VAC14: variants seen among roughly 807,000 people sequenced by gnomAD.
The protein encoded by VAC14 is protein VAC14 homolog.
A neutral mutation model predicts 85.3 loss-of-function variants in VAC14; 47 were observed. The ratio of observed to expected loss-of-function variants is 0.55; its 90% CI spans 0.44 to 0.70. VAC14 has a LOEUF of 0.70. VAC14 is among the 30% of genes least tolerant of loss of function. The probability of loss-of-function intolerance (pLI) is 0.00; values close to 1 mark genes in which losing one functional copy is unlikely to be tolerated. For missense variants in VAC14, 861 were observed against 1,004.3 expected, an observed-to-expected ratio of 0.86 and a Z score of 1.93; for synonymous variants, 447 against 430.5, an observed-to-expected ratio of 1.04 and a Z score of -0.47.
At chr16:70,692,751 T>TC in intron 18 of VAC14, 70 bp downstream of exon 18, 1 of 1,543,966 alleles carries the variant, frequency 6.5e-7, no homozygotes, top group African/African-American at 1.4e-5. Context: ...GCAAGGCCCT[T>TC]CCTCACCAGG....
intron 10 of VAC14, chr16:70,766,327 T>TG (rs1201476950): frequency 2.7e-6 from 1 of 374,272 alleles, no homozygotes; most frequent in Non-Finnish European, 5.4e-6. Flanking sequence ...GGCCAGCCTG[T>TG]GGGGCCTCTC....
chr16:70,737,655 C>T (rs529813857), intron 13 of VAC14, among the ~76,000 whole-genome samples: 20 of 152,238 alleles, frequency 1.3e-4, no homozygotes, highest in African/African-American at 3.1e-4. Context: ...GCGGGGTGGG[C>T]GGCCGGGGAG....
chr16:70,745,482 A>AGTGTGTGTGTGT (rs145054065), intron 12 of VAC14, among the ~76,000 whole-genome samples: 411 of 143,856 alleles, frequency 2.9e-3, no homozygotes, highest in Admixed American at 4.3e-3. Context: ...GAGGGGCTTC[A>AGTGTGTGTGTGT]GTGTGTGTGT....
At chr16:70,782,671 G>A (rs149844079) in intron 7 of VAC14, among the ~76,000 whole-genome samples, 23 of 152,368 alleles carry the variant, frequency 1.5e-4, no homozygotes, top group East Asian at 3.9e-4. Flanking sequence ...AGGGAATGAC[G>A]TTTTGTGGTG....
At chr16:70,692,745 G>C in intron 18 of VAC14, 76 bp downstream of exon 18, 1 of 1,536,916 alleles carries the variant, frequency 6.5e-7, no homozygotes. Flanking sequence ...CCCCTGGCAA[G>C]GCCCTTCCTC....
chr16:70,720,034 A>G (rs544221873), intron 14 of VAC14, among the ~76,000 whole-genome samples: 1 of 152,344 alleles, frequency 6.6e-6, no homozygotes, highest in African/African-American at 2.4e-5. Flanking sequence ...GACATCCAAC[A>G]CAGACGAATC....
chr16:70,784,654 A>G (rs72792880), intron 4 of VAC14, 122 bp downstream of exon 4: 23,413 of 955,146 alleles, frequency 0.025, 386 homozygotes, highest in Non-Finnish European at 0.031. Context: ...CAGGGAGTAC[A>G]TGTAAATTTA....
intron 14 of VAC14, among the ~76,000 whole-genome samples, chr16:70,729,057 G>A (rs1231571030): frequency 1.3e-5 from 2 of 152,156 alleles, no homozygotes; most frequent in East Asian, 1.9e-4. Context: ...TCTCTGACAC[G>A]GTGGTTCTCA....
chr16:70,799,527 G>GCAGTTGAA (rs1567618634), intron 1 of VAC14, among the ~76,000 whole-genome samples: 1 of 152,144 alleles, frequency 6.6e-6, no homozygotes, highest in African/African-American at 2.4e-5. Flanking sequence ...GTTGTCAACC[G>GCAGTTGAA]GGGCAATTTT....
chr16:70,768,510 G>A (rs1487346185), intron 10 of VAC14: 1 of 280,026 alleles, frequency 3.6e-6, no homozygotes, highest in African/African-American at 2.3e-5. Flanking sequence ...TATTTCCCAT[G>A]CTCTGGAGGG....
intron 12 of VAC14, among the ~76,000 whole-genome samples, chr16:70,744,860 C>T (rs1323089030): frequency 6.6e-6 from 1 of 152,244 alleles, no homozygotes; most frequent in Non-Finnish European, 1.5e-5. Flanking sequence ...CGATCCCTCT[C>T]TCGGGTCCCT....
intron 14 of VAC14, among the ~76,000 whole-genome samples, chr16:70,706,670 T>G (rs1384056644): frequency 6.6e-6 from 1 of 152,196 alleles, no homozygotes; most frequent in Non-Finnish European, 1.5e-5. Context: ...ACTAGGCACA[T>G]TTTTCTATTT....
intron 14 of VAC14, among the ~76,000 whole-genome samples, chr16:70,705,966 T>C (rs2053912783): frequency 1.3e-5 from 2 of 152,184 alleles, no homozygotes; most frequent in South Asian, 4.1e-4. Flanking sequence ...TGGATACAGA[T>C]ACAGGAAGGT....
chr16:70,762,110 T>TG lies in VAC14; in HGVS notation c.1371+429_1371+430insC, dbSNP rs10653790. Among the ~76,000 whole-genome samples the TG allele has an allele frequency of 6.6e-6, 1 of 150,396 alleles. No homozygotes were observed. The highest frequency in any genetic ancestry group is 2.5e-5 in the African/African-American group (1 of 40,030). On this transcript the variant is annotated intron_variant, in intron 12 of 18. Transcript: ENST00000261776. This position sits in a 1 kb window ranked among gnomAD's most constrained non-coding sequence, Gnocchi z 4.1. ...TCACTCCTAAAGTGAGTTTTTTTTTTTGTTTTTGTTTTTTTGAGACAGGGT... is the reference window on the plus strand; with the variant it reads ...TCACTCCTAAAGTGAGTTTTTTTTTTGTGTTTTTGTTTTTTTGAGACAGGGT...
At chr16:70,758,631 ACTCAGGCAGCATG>A (rs1271495095) in intron 12 of VAC14, among the ~76,000 whole-genome samples, 1 of 152,156 alleles carries the variant, frequency 6.6e-6, no homozygotes, top group Non-Finnish European at 1.5e-5. Context: ...GGCAGAACTC[ACTCAGGCAGCATG>A]GCGGCTGCCC....
At chr16:70,715,575 G>A (rs2054147735) in intron 14 of VAC14, 1 of 152,440 alleles carries the variant, frequency 6.6e-6, no homozygotes, top group Non-Finnish European at 1.5e-5. Flanking sequence ...AGGGGGCCGA[G>A]CTCTTGCTCC....
At chr16:70,748,886 G>A (rs1364170507) in intron 12 of VAC14, among the ~76,000 whole-genome samples, 1 of 152,194 alleles carries the variant, frequency 6.6e-6, no homozygotes, top group East Asian at 1.9e-4. Context: ...GTAGTGAGCT[G>A]AGATCGCACT....
intron 9 of VAC14, among the ~76,000 whole-genome samples, chr16:70,777,116 T>C (rs2033560129): frequency 6.6e-6 from 1 of 152,090 alleles, no homozygotes; most frequent in Non-Finnish European, 1.5e-5. Context: ...CCCTAATTTT[T>C]GTATTTTTAG....
chr16:70,751,887 G>C (rs1184836097), intron 12 of VAC14, among the ~76,000 whole-genome samples: 1 of 152,224 alleles, frequency 6.6e-6, no homozygotes, highest in Non-Finnish European at 1.5e-5. Flanking sequence ...GTGGCATCCT[G>C]AGAAACGCCC....
Sources: allele counts gnomAD v4.1 joint callset (sites outside exome capture counted in the v4.1 genomes callset), GRCh38; gene constraint gnomAD v4.1.1; non-coding constraint Gnocchi (gnomAD v3.1); transcripts MANE v1.5; gene names NCBI Gene and HGNC (gene_info 2026-07-23, HGNC 2026-07-21).